Variants in AGTR1 observed in about 807,000 individuals in gnomAD.
AGTR1 encodes type-1 angiotensin II receptor.
A neutral mutation model predicts 19.4 loss-of-function variants in AGTR1; 16 were observed. That is an observed-to-expected ratio of 0.82 (90% CI 0.56 to 1.25). AGTR1 has a LOEUF of 1.25. Among genes scored for constraint, AGTR1 ranks in the 50% most tolerant of loss-of-function variants. The pLI is 0.00. For missense variants in AGTR1, 373 were observed against 431.9 expected (o/e 0.86, Z 1.21); for synonymous variants, 153 against 154.9 (o/e 0.99, Z 0.09).
At chr3:148,734,430 T>C (rs1333156089) in intron 2 of AGTR1, among the ~76,000 whole-genome samples, 2 of 152,184 alleles carry the variant, frequency 1.3e-5, no homozygotes, top group African/African-American at 4.8e-5. Flanking sequence ...GCAGCTTGCC[T>C]TGTTTTTATT....
At chr3:148,713,018 C>T (rs1180830036) in intron 2 of AGTR1, among the ~76,000 whole-genome samples, 1 of 152,098 alleles carries the variant, frequency 6.6e-6, no homozygotes, top group Non-Finnish European at 1.5e-5. Context: ...TTAGACAAAA[C>T]ATACTCTCTG....
chr3:148,719,538 C>T (rs1324371387), intron 2 of AGTR1, among the ~76,000 whole-genome samples: 6 of 152,240 alleles, frequency 3.9e-5, no homozygotes, highest in Non-Finnish European at 8.8e-5. Context: ...ACTCCAGAGG[C>T]TCCCCATGAA....
intron 2 of AGTR1, among the ~76,000 whole-genome samples, chr3:148,717,720 G>A (rs1713381436): frequency 6.6e-6 from 1 of 152,138 alleles, no homozygotes; most frequent in Admixed American, 6.5e-5. Context: ...TATGCCACCA[G>A]CCATCGGCAG....
rs151338696 is a variant in AGTR1, at chr3:148,726,643, G to A, written c.-47-14346G>A. On this transcript the variant is annotated intron_variant, in intron 2 of 2. Transcript: ENST00000349243. ...CTCTTAATTCTGAGTGTTTCCGTCC[G>A]TTTTTTTAATTTTTGTACTTTATGG... Among the ~76,000 whole-genome samples the A allele has an allele frequency of 5.3e-5, 8 of 152,066 alleles. No individual in the cohort carries two copies. In the East Asian group the frequency reaches 9.7e-4, roughly 18 times the overall value.
intron 2 of AGTR1, chr3:148,730,191 G>T: frequency 2.5e-6 from 1 of 398,368 alleles, no homozygotes; most frequent in South Asian, 1.3e-4. Context: ...TGAAGAAAAT[G>T]AATCACAAGT....
intron 2 of AGTR1, among the ~76,000 whole-genome samples, chr3:148,711,887 T>C (rs1713005247): frequency 6.6e-6 from 1 of 152,050 alleles, no homozygotes; most frequent in South Asian, 2.1e-4. Context: ...TATCTAGGAC[T>C]ACAGGCACAT....
At chr3:148,705,675 A>G (rs1482417177) in intron 1 of AGTR1, among the ~76,000 whole-genome samples, 1 of 151,906 alleles carries the variant, frequency 6.6e-6, no homozygotes, top group Non-Finnish European at 1.5e-5. Flanking sequence ...GCCATATGAT[A>G]GAACATTACA....
At chr3:148,706,343 A>T (rs905202417) in intron 1 of AGTR1, among the ~76,000 whole-genome samples, 1 of 152,022 alleles carries the variant, frequency 6.6e-6, no homozygotes, top group Admixed American at 6.6e-5. Context: ...TGCTAACATT[A>T]TTCTGTATAA....
chr3:148,741,020 G>A lies in AGTR1; in HGVS notation c.-16G>A, dbSNP rs138997091. 2.0e-4 allele frequency: 328 copies of A among 1,613,386 alleles called. 2 individuals carry two copies. The Middle Eastern group carries it at 3.5e-3, about 17-fold the overall frequency. On this transcript the variant is annotated 5_prime_UTR_variant, in exon 3 of 3. Transcript: ENST00000349243. Reference sequence around the variant, plus strand: ...TTGATATAGTGTTTGCAACAAATTCGACCCAGGTGATCAAAATGATTCTCA... The same window carrying A: ...TTGATATAGTGTTTGCAACAAATTCAACCCAGGTGATCAAAATGATTCTCA...
chr3:148,718,737 G>C (rs1713436625), intron 2 of AGTR1, among the ~76,000 whole-genome samples: 1 of 152,030 alleles, frequency 6.6e-6, no homozygotes, highest in South Asian at 2.1e-4. Flanking sequence ...TAGTAAAATT[G>C]GTGTTTTAAA....
At chr3:148,714,805 T>C (rs3772626) in intron 2 of AGTR1, among the ~76,000 whole-genome samples, 43,958 of 151,968 alleles carry the variant, frequency 0.29, 9,423 homozygotes, top group African/African-American at 0.61. Context: ...GTGCTTTTGG[T>C]ATACTTCAAA....
chr3:148,741,013 C>A lies in AGTR1; in HGVS notation c.-23C>A. 1 of 1,613,474 alleles carries A rather than the reference C, an allele frequency of 6.2e-7. No individual in the cohort carries two copies. Among genetic ancestry groups the A allele is most frequent in the Non-Finnish European group, 8.5e-7 (1 of 1,179,800 alleles). On this transcript the variant is annotated 5_prime_UTR_variant, in exon 3 of 3. Transcript: ENST00000349243. ...GGTGTATTTGATATAGTGTTTGCAACAAATTCGACCCAGGTGATCAAAATG... is the reference window on the plus strand; with the variant it reads ...GGTGTATTTGATATAGTGTTTGCAAAAAATTCGACCCAGGTGATCAAAATG...
At chr3:148,720,937 T>G (rs1713598135) in intron 2 of AGTR1, among the ~76,000 whole-genome samples, 1 of 152,214 alleles carries the variant, frequency 6.6e-6, no homozygotes. Flanking sequence ...TAAGAACAAA[T>G]GAGATTTTTA....
At chr3:148,701,952 G>T (rs1054825015) in intron 1 of AGTR1, among the ~76,000 whole-genome samples, 2 of 150,654 alleles carry the variant, frequency 1.3e-5, no homozygotes, top group Admixed American at 6.6e-5. Flanking sequence ...TAAGAATATT[G>T]AGAAATACAC....
intron 2 of AGTR1, among the ~76,000 whole-genome samples, chr3:148,733,803 A>AT (rs1234399546): frequency 6.6e-6 from 1 of 152,216 alleles, no homozygotes; most frequent in Non-Finnish European, 1.5e-5. Context: ...TCATTTACTT[A>AT]CAGGCCTTCT....
intron 2 of AGTR1, among the ~76,000 whole-genome samples, chr3:148,730,947 G>A (rs953757055): frequency 2.6e-5 from 4 of 152,112 alleles, no homozygotes; most frequent in Non-Finnish European, 4.4e-5. Flanking sequence ...TTGAAATGTC[G>A]CTAGTGTAAC....
At chr3:148,720,096 A>G (rs1391843560) in intron 2 of AGTR1, among the ~76,000 whole-genome samples, 1 of 152,186 alleles carries the variant, frequency 6.6e-6, no homozygotes, top group East Asian at 1.9e-4. Context: ...GGTAGTTGTG[A>G]GCATCTCTCT....
chr3:148,713,765 G>C (rs1169762214), intron 2 of AGTR1, among the ~76,000 whole-genome samples: 1 of 152,158 alleles, frequency 6.6e-6, no homozygotes, highest in Admixed American at 6.6e-5. Flanking sequence ...GAAGCCACAG[G>C]TAGACAGGTT....
chr3:148,703,060 A>C (rs1024846424), intron 1 of AGTR1, among the ~76,000 whole-genome samples: 11 of 152,092 alleles, frequency 7.2e-5, no homozygotes, highest in Non-Finnish European at 1.3e-4. Context: ...AAAAAGAATA[A>C]AAGGTTGAAA....
Sources: allele counts gnomAD v4.1 joint callset (sites outside exome capture counted in the v4.1 genomes callset), GRCh38; gene constraint gnomAD v4.1.1; transcripts MANE v1.5; gene names NCBI Gene and HGNC (gene_info 2026-07-23, HGNC 2026-07-21).